CD109: variants seen among roughly 807,000 people sequenced by gnomAD.
The protein encoded by CD109 is CD109 molecule, also known as CD109 antigen.
CD109 carries 149 observed loss-of-function variants against 165.8 expected under a neutral mutation model. The observed-to-expected ratio is 0.90, with a 90% CI of 0.79 to 1.03. CD109 has a LOEUF of 1.03. Ranked by LOEUF, CD109 falls within the 50% of genes least tolerant of loss-of-function variation. The pLI is 0.00. For missense variants in CD109, 1,712 were observed against 1,677.8 expected (o/e 1.02, Z -0.36); for synonymous variants, 585 against 592.1 (o/e 0.99, Z 0.18).
Position 73,827,673 on chromosome 6 carries a change from A to G in CD109, c.*4040A>G, listed in dbSNP as rs576608037. ...TTTCTAGCCAGTGAGTTGTGTTTTC[A>G]TGTCTCATCAAAAGACAATACCACA... On this transcript the variant is annotated 3_prime_UTR_variant, in exon 33 of 33. Coordinates refer to ENST00000287097, the MANE Select transcript of CD109 (RefSeq NM_133493.5). 1 of 152,228 alleles carries G rather than the reference A, an allele frequency of 6.6e-6. No homozygotes were observed. Among genetic ancestry groups the G allele is most frequent in the African/African-American group, 2.4e-5 (1 of 41,548 alleles). 9.4% of individuals were successfully genotyped at this position (152,228 alleles called of 1,614,324 possible).
chr6:73,741,118 T>C (rs539362496), intron 5 of CD109, among the ~76,000 whole-genome samples: 30 of 151,088 alleles, frequency 2.0e-4, no homozygotes, highest in Admixed American at 1.2e-3. Flanking sequence ...TTTTTTACAA[T>C]GCTAGTTTAA....
At position 73,736,242 on chromosome 6, in the gene CD109, C is replaced by T. The variant is rs1772539660; in HGVS notation, c.508-141C>T. 6.5e-6 allele frequency: 5 copies of T among 764,266 alleles called. No homozygotes were observed. In the South Asian group the frequency reaches 1.0e-4, roughly 15 times the overall value. The allele number at this position is 764,266 out of a possible 1,614,324, so 47.3% of individuals were successfully genotyped here. A position where few individuals can be genotyped will look rare whatever the true frequency, so the allele number is the denominator to read the frequency against. ...CCTTCTTTCCATCCTCACATCCTGC[C>T]ATCCAGCCATATTTGTGCCGTATTT... On this transcript the variant is annotated intron_variant, in intron 4 of 32. Transcript: ENST00000287097.
chr6:73,791,158 T>C (rs369185890), intron 22 of CD109, among the ~76,000 whole-genome samples: 2,561 of 28,810 alleles, frequency 0.089, 174 homozygotes, highest in African/African-American at 0.14. Context: ...TATATATATA[T>C]ATATATATAT....
Position 73,823,500 on chromosome 6 carries a change from C to T in CD109, c.4205C>T (p.Ser1402Phe). The T allele has an allele frequency of 4.3e-6, 7 of 1,613,674 alleles. No homozygotes were observed. The highest frequency in any genetic ancestry group is 5.9e-6 in the Non-Finnish European group (7 of 1,179,670). Residue 1402 changes from serine to phenylalanine, a missense_variant, in exon 33 of 33, where the codon TCC becomes TTC. Ser to Phe is a radical substitution (Grantham distance 155). Transcript: ENST00000287097. ...AGTTACAACTCTGAAGTGAAGCTGT[C>T]CTCCTGTGACCTTTGCAGTGATGTC... is the stretch of plus-strand genomic sequence containing the variant. ...VRSYNSEVKLSSCDLCSDVQG... is the reference protein window; with the variant it reads ...VRSYNSEVKLFSCDLCSDVQG...
At chr6:73,821,323 T>C (rs1298340168) in intron 32 of CD109, among the ~76,000 whole-genome samples, 1 of 152,062 alleles carries the variant, frequency 6.6e-6, no homozygotes, top group Non-Finnish European at 1.5e-5. Flanking sequence ...AAATGGGAGT[T>C]CTTCTAAAAG....
chr6:73,800,727 G>A (rs1217211415), intron 23 of CD109, among the ~76,000 whole-genome samples: 4 of 151,954 alleles, frequency 2.6e-5, no homozygotes, highest in Non-Finnish European at 5.9e-5. Context: ...TGTCTTTTGT[G>A]ACTTATCTGT....
At chr6:73,703,028 A>G (rs1033490954) in intron 2 of CD109, among the ~76,000 whole-genome samples, 1 of 152,192 alleles carries the variant, frequency 6.6e-6, no homozygotes, top group Non-Finnish European at 1.5e-5. Context: ...CACTATATTT[A>G]ATTTTAACAA....
intron 28 of CD109, 28 bp downstream of exon 28, chr6:73,811,175 A>G (rs1436656330): frequency 1.2e-6 from 2 of 1,603,630 alleles, no homozygotes; most frequent in African/African-American, 2.7e-5. Flanking sequence ...TTATTTAAAA[A>G]TCAGTGTAGA....
chr6:73,681,089 G>A, the CD109 span, among the ~76,000 whole-genome samples: 176 of 152,226 alleles, frequency 1.2e-3, 1 homozygote, highest in Non-Finnish European at 1.4e-3. Flanking sequence ...GTGCTCCCTC[G>A]TAAGACAAGT....
At chr6:73,718,570 C>CTT (rs796867633) in intron 2 of CD109, among the ~76,000 whole-genome samples, 3 of 144,888 alleles carry the variant, frequency 2.1e-5, no homozygotes, top group African/African-American at 2.5e-5. Context: ...GTGCATACAA[C>CTT]TTTTTTTTTT....
chr6:73,702,873 A>T (rs1209470972), intron 2 of CD109, among the ~76,000 whole-genome samples: 1 of 152,260 alleles, frequency 6.6e-6, no homozygotes, highest in Non-Finnish European at 1.5e-5. Context: ...GAGAGTAGCA[A>T]CAGTTTATGT....
In CD109 at chr6:73,730,422, A is replaced by T; in HGVS notation, c.355A>T (p.Ser119Cys). The change falls in exon 4 of 33, where the codon AGT (serine) becomes TGT (cysteine). Residue 119 changes from serine (S) to cysteine (C), a missense_variant. Coordinates refer to ENST00000287097, the MANE Select transcript of CD109 (RefSeq NM_133493.5). ...RTQDEILFSN[S>C]TRLSFETKRI... The stretch of plus-strand genomic sequence containing the variant: ...CCAGGATGAGATTTTATTCTCTAAT[A>T]GTACCCGCTTATCATTTGAGACCAA... The T allele has an allele frequency of 6.2e-7, 1 of 1,613,752 alleles. No homozygotes were observed. Among genetic ancestry groups the T allele is most frequent in the Non-Finnish European group, 8.5e-7 (1 of 1,179,628 alleles).
intron 32 of CD109, among the ~76,000 whole-genome samples, chr6:73,823,070 G>T (rs1358516718): frequency 6.6e-6 from 1 of 152,186 alleles, no homozygotes; most frequent in Non-Finnish European, 1.5e-5. Context: ...CTAATGATTA[G>T]AATTTGATTT....
At chr6:73,743,550 C>A (rs1345746410) in intron 5 of CD109, among the ~76,000 whole-genome samples, 4 of 152,132 alleles carry the variant, frequency 2.6e-5, no homozygotes, top group African/African-American at 9.7e-5. Flanking sequence ...TCAGGATATT[C>A]CTTATTTTTT....
chr6:73,770,572 C>T lies in CD109; in HGVS notation c.1675-857C>T, dbSNP rs1774000388. 2.0e-5 allele frequency among the ~76,000 whole-genome samples: 3 copies of T among 152,078 alleles called. No homozygotes were observed. In the South Asian group the frequency reaches 6.2e-4, roughly 32 times the overall value. On this transcript the variant is annotated intron_variant, in intron 14 of 32. Transcript: ENST00000287097. Reference sequence around the variant, plus strand: ...CCAGCCTGGCCAACATGGTGAAACCCTGTCTCTACTAAAAAAGTTACAAAA... The same window carrying T: ...CCAGCCTGGCCAACATGGTGAAACCTTGTCTCTACTAAAAAAGTTACAAAA...
At chr6:73,802,813 C>T (rs915733284) in intron 23 of CD109, among the ~76,000 whole-genome samples, 13 of 151,628 alleles carry the variant, frequency 8.6e-5, no homozygotes, top group Non-Finnish European at 1.5e-5. Context: ...GATTCTCCTG[C>T]CTCAGCCTCC....
In CD109 at chr6:73,762,821, C is replaced by G. The variant is rs968625641; in HGVS notation, c.936C>G (p.Tyr312Ter). 6.2e-7 allele frequency: 1 copy of G among 1,612,340 alleles called. No homozygotes were observed. Among genetic ancestry groups the G allele is most frequent in the East Asian group, 2.2e-5 (1 of 44,746 alleles). Residue 312 changes from tyrosine to a stop codon, truncating the protein, a stop_gained, in exon 9 of 33, where the codon TAC becomes TAG. Coordinates refer to ENST00000287097, the MANE Select transcript of CD109 (RefSeq NM_133493.5). LOFTEE classifies it high-confidence loss of function. The stretch of plus-strand genomic sequence containing the variant: ...ATTCTTCAAATGGACTTTCTGAATA[C>G]CTGGATCTATCTTCCCCTGGACCAG... ...VMDSSNGLSE[Y>*]LDLSSPGPVE...
intron 24 of CD109, 34 bp from the exon 25 acceptor site, chr6:73,806,810 G>A (rs1473840604): frequency 1.3e-6 from 2 of 1,507,058 alleles, no homozygotes; most frequent in Non-Finnish European, 1.8e-6. Context: ...CTTATAAAGT[G>A]TATTTTATGT....
chr6:73,745,827 C>CA (rs1163085314), intron 5 of CD109, among the ~76,000 whole-genome samples: 1 of 152,210 alleles, frequency 6.6e-6, no homozygotes, highest in Non-Finnish European at 1.5e-5. Flanking sequence ...CTCCCAGGTT[C>CA]AAGCGATTCA....
Sources: allele counts gnomAD v4.1 joint callset (sites outside exome capture counted in the v4.1 genomes callset), GRCh38; gene constraint gnomAD v4.1.1; transcripts MANE v1.5; gene names NCBI Gene and HGNC (gene_info 2026-07-23, HGNC 2026-07-21).